THSD4: variants seen among roughly 807,000 people sequenced by gnomAD.
THSD4 encodes thrombospondin type 1 domain containing 4.
In THSD4, 69 loss-of-function variants were observed where a neutral mutation model predicts 119.0. The observed-to-expected ratio is 0.58, with a 90% CI of 0.48 to 0.71. THSD4 has a LOEUF of 0.71. Among genes scored for constraint, THSD4 ranks in the 30% least tolerant of loss-of-function variants. THSD4 has a pLI of 0.00. For synonymous variants in THSD4, 524 were observed against 540.4 expected (o/e 0.97, Z 0.42); for missense variants, 1,393 against 1,391.1 (o/e 1.00, Z -0.02).
At chr15:71,681,956 G>C (rs990859914) in intron 8 of THSD4, among the ~76,000 whole-genome samples, 2 of 152,106 alleles carry the variant, frequency 1.3e-5, no homozygotes, top group Non-Finnish European at 2.9e-5. Flanking sequence ...AAAATGTTCA[G>C]CTGTGCCTCA....
intron 7 of THSD4, among the ~76,000 whole-genome samples, chr15:71,617,220 A>C (rs2050334100): frequency 6.6e-6 from 1 of 152,220 alleles, no homozygotes. Context: ...ATTTAATAGT[A>C]ATTTTCTAGT....
intron 7 of THSD4, among the ~76,000 whole-genome samples, chr15:71,545,505 G>T (rs10851845): frequency 6.6e-6 from 1 of 152,058 alleles, no homozygotes; most frequent in Non-Finnish European, 1.5e-5. Flanking sequence ...TTGAGCCCAC[G>T]TGGTCTGTAA....
chr15:71,570,614 T>C (rs2049332054), intron 7 of THSD4, among the ~76,000 whole-genome samples: 1 of 151,964 alleles, frequency 6.6e-6, no homozygotes, highest in African/African-American at 2.4e-5. Context: ...CACCATCAGA[T>C]ACACATTTTA....
At chr15:71,349,464 T>A (rs80097513) in intron 6 of THSD4, among the ~76,000 whole-genome samples, 3 of 148,054 alleles carry the variant, frequency 2.0e-5, no homozygotes, top group African/African-American at 8.0e-5. Flanking sequence ...CCTATCAACA[T>A]GTCTTGAAGG....
At chr15:71,659,916 C>T (rs751439243) in intron 7 of THSD4, among the ~76,000 whole-genome samples, 1 of 152,058 alleles carries the variant, frequency 6.6e-6, no homozygotes, top group Non-Finnish European at 1.5e-5. Context: ...GTTATGATCT[C>T]GTTTGTTGAT....
intron 15 of THSD4, among the ~76,000 whole-genome samples, chr15:71,759,339 T>C (rs2053594210): frequency 1.3e-5 from 2 of 152,224 alleles, no homozygotes; most frequent in African/African-American, 2.4e-5. Flanking sequence ...GATCCCAGCT[T>C]GACTTCTCAT....
chr15:71,196,983 C>T (rs1243264776), intron 3 of THSD4, among the ~76,000 whole-genome samples: 2 of 152,202 alleles, frequency 1.3e-5, no homozygotes, highest in African/African-American at 4.8e-5. Flanking sequence ...ATTCAACCCA[C>T]TATGCATTCA....
Position 71,217,775 on chromosome 15 carries a change from T to A in THSD4, c.464+2376T>A, listed in dbSNP as rs146789643. 1.4e-3 allele frequency among the ~76,000 whole-genome samples: 207 copies of A among 150,050 alleles called. 1 individual carries two copies. Among genetic ancestry groups the A allele is most frequent in the African/African-American group, 4.8e-3 (197 of 40,814 alleles). On this transcript the variant is annotated intron_variant, in intron 4 of 17. Coordinates refer to ENST00000261862, the MANE Select transcript of THSD4 (RefSeq NM_024817.3). ...TAAGGTTTATTAAATATCCATCCTG[T>A]ACCAGGCACTGTTCTTTTTTTTTTT...
At chr15:71,348,188 C>T (rs1251762804) in intron 6 of THSD4, 3 of 152,150 alleles carry the variant, frequency 2.0e-5, no homozygotes, top group Admixed American at 1.3e-4. Context: ...GTTGTCTTTT[C>T]GGCTCCTCAA....
At chr15:71,458,060 C>A (rs1419570396) in intron 7 of THSD4, among the ~76,000 whole-genome samples, 1 of 152,136 alleles carries the variant, frequency 6.6e-6, no homozygotes, top group African/African-American at 2.4e-5. Flanking sequence ...GTGAAACAAT[C>A]CGGTGAAAAT....
At chr15:71,450,532 T>C (rs530251934) in intron 7 of THSD4, among the ~76,000 whole-genome samples, 1 of 152,290 alleles carries the variant, frequency 6.6e-6, no homozygotes, top group South Asian at 2.1e-4. Context: ...CAGGTTTCAG[T>C]TTTCTCATCT....
chr15:71,229,609 T>G (rs1054134570), intron 4 of THSD4, among the ~76,000 whole-genome samples: 5 of 152,226 alleles, frequency 3.3e-5, no homozygotes, highest in African/African-American at 1.2e-4. Context: ...CCATCCATTT[T>G]TTTCACAATA....
chr15:71,257,130 T>C (rs988161019), intron 6 of THSD4, among the ~76,000 whole-genome samples: 2 of 152,132 alleles, frequency 1.3e-5, no homozygotes, highest in Admixed American at 6.5e-5. Flanking sequence ...TGTACAGTTG[T>C]ATGGTTCTCA....
chr15:71,749,495 A>G (rs545085219), intron 14 of THSD4, among the ~76,000 whole-genome samples: 81 of 152,218 alleles, frequency 5.3e-4, no homozygotes, highest in African/African-American at 1.5e-3. Flanking sequence ...GGATGAGGAC[A>G]TGATTGGCTA....
chr15:71,597,984 C>G (rs1360083144), intron 7 of THSD4, among the ~76,000 whole-genome samples: 2 of 152,092 alleles, frequency 1.3e-5, no homozygotes, highest in African/African-American at 4.8e-5. Context: ...TGTGCTGGGC[C>G]CTAGGATCAC....
intron 6 of THSD4, among the ~76,000 whole-genome samples, chr15:71,376,765 G>A (rs1428587148): frequency 6.6e-6 from 1 of 152,164 alleles, no homozygotes; most frequent in African/African-American, 2.4e-5. Context: ...AATATGATTA[G>A]GTCTGTAAGT....
upstream of THSD4, chr15:71,111,317 C>T: frequency 6.2e-7 from 1 of 1,613,972 alleles, no homozygotes; most frequent in Non-Finnish European, 8.5e-7. Flanking sequence ...GTCCTCAGAG[C>T]TGTGGCTGCA....
At chr15:71,172,722 T>TGTGAC (rs1272848510) in intron 3 of THSD4, among the ~76,000 whole-genome samples, 1 of 119,306 alleles carries the variant, frequency 8.4e-6, no homozygotes, top group African/African-American at 3.9e-5. Context: ...TATATATATA[T>TGTGAC]ATATATATAT....
chr15:71,201,149 A>G (rs2043800500), intron 3 of THSD4, among the ~76,000 whole-genome samples: 1 of 152,004 alleles, frequency 6.6e-6, no homozygotes, highest in Non-Finnish European at 1.5e-5. Flanking sequence ...TTTAGGCCCA[A>G]TGACCAACAC....
Sources: gnomAD v4.1 joint callset for allele counts (sites outside exome capture counted in the v4.1 genomes callset) on GRCh38, gnomAD v4.1.1 for gene constraint, MANE v1.5 for transcripts, NCBI Gene and HGNC (gene_info 2026-07-23, HGNC 2026-07-21) for gene names.